The following COL11A2 variants were observed in gnomAD, a reference collection of about 807,000 sequenced individuals.
COL11A2 encodes collagen type XI alpha 2 chain.
Under a neutral mutation model 273.4 loss-of-function variants are expected in COL11A2, and 116 were observed. That is an observed-to-expected ratio of 0.42 (90% confidence interval 0.36 to 0.49). The LOEUF (loss-of-function observed/expected upper bound fraction) is 0.49. Ranked by LOEUF, COL11A2 falls within the 20% of genes least tolerant of loss-of-function variation. COL11A2 has a pLI of 0.00. For missense variants in COL11A2, 1,866 were observed against 2,309.0 expected, an observed-to-expected ratio of 0.81 and a Z score of 3.93; for synonymous variants, 782 against 864.2, an observed-to-expected ratio of 0.90 and a Z score of 1.67.
In COL11A2 at chr6:33,167,984, G is replaced by A. The variant is rs1769433356; in HGVS notation, c.3961-132C>T. On this transcript the variant is annotated intron_variant, in intron 54 of 65. Coordinates refer to ENST00000341947, the MANE Select transcript of COL11A2 (RefSeq NM_080680.3). The surrounding 1 kb of genome is among the most constrained non-coding windows in gnomAD (Gnocchi z 6.1). ...GCATACACAGGGACACGCGCCGAGG[G>A]CCGATTCACAGATGTGCAGAACAGA... 2.7e-5 allele frequency: 25 copies of A among 918,052 alleles called. No individual in the cohort carries two copies. The South Asian group carries it at 3.3e-4, about 12-fold the overall frequency. The allele number at this position is 918,052 out of a possible 1,614,324, so 56.9% of individuals were successfully genotyped here.
At position 33,192,336 on chromosome 6, in the gene COL11A2, CCT is replaced by C; in HGVS notation, c.-98_-97del. ...CAGAAGACAGGGAGCAGACTATGAG[CCT>C]CAGACGCCGGGGTCCCAGGGAGGTC... is the stretch of plus-strand genomic sequence containing the variant. On this transcript the variant is annotated 5_prime_UTR_variant, in exon 1 of 66. Coordinates refer to ENST00000341947, the MANE Select transcript of COL11A2 (RefSeq NM_080680.3). The C allele has an allele frequency of 1.6e-6, 2 of 1,215,060 alleles. No individual in the cohort carries two copies. Among genetic ancestry groups the C allele is most frequent in the Non-Finnish European group, 2.4e-6 (2 of 850,230 alleles). The allele number at this position is 1,215,060 out of a possible 1,614,324, so 75.3% of individuals were successfully genotyped here.
rs1238625222 is a variant in COL11A2, at chr6:33,169,021, G to T, written c.3799-13C>A. 1.9e-6 allele frequency: 3 copies of T among 1,602,708 alleles called. No homozygotes were observed. The African/African-American group carries it at 4.0e-5, about 22-fold the overall frequency. On this transcript the variant is annotated splice_polypyrimidine_tract_variant and intron_variant, in intron 51 of 65. Transcript: ENST00000341947. This position sits in a 1 kb window ranked among gnomAD's most constrained non-coding sequence, Gnocchi z 5.5. ...AACCAACAGGACCCTGATCCAGATG[G>T]AGAATAAGAGTCAGGGTCACAGCTC...
rs1769354460 is a variant in COL11A2, at chr6:33,167,589, G to C, written c.4015-56C>G. On this transcript the variant is annotated intron_variant, in intron 55 of 65. Coordinates refer to ENST00000341947, the MANE Select transcript of COL11A2 (RefSeq NM_080680.3). This position sits in a 1 kb window ranked among gnomAD's most constrained non-coding sequence, Gnocchi z 6.1. The stretch of plus-strand genomic sequence containing the variant: ...TGGCAGAGGAGTGGGGTGTGGGCAG[G>C]GGGCAGAGGGTCCAAGGTGGGAGGC... 1 of 1,591,724 alleles carries C rather than the reference G, an allele frequency of 6.3e-7. No homozygotes were observed. Among genetic ancestry groups the C allele is most frequent in the Non-Finnish European group, 8.6e-7 (1 of 1,163,980 alleles).
chr6:33,176,479 G>A lies in COL11A2; in HGVS notation c.2123C>T (p.Ser708Phe). 1.2e-6 allele frequency: 2 copies of A among 1,612,302 alleles called. No individual in the cohort carries two copies. Among genetic ancestry groups the A allele is most frequent in the Non-Finnish European group, 1.7e-6 (2 of 1,179,582 alleles). ...PPGTKGNQGP[S>F]GPQGPLGYPG... ...GTATCCTAGAGGTCCCTGAGGTCCA[G>A]AGGGACCCTGGAAGATAAAAGAGAG... The change falls in exon 27 of 66, where the codon TCT becomes TTT. Residue 708 changes from serine (S) to phenylalanine (F), a missense_variant. Coordinates refer to ENST00000341947, the MANE Select transcript of COL11A2 (RefSeq NM_080680.3). The surrounding 1 kb of genome is among the most constrained non-coding windows in gnomAD (Gnocchi z 4.9).
chr6:33,165,019 G>T lies in COL11A2; in HGVS notation c.4751-55C>A. ...GCCACCTAGGTCCAGGCTCCAAGAT[G>T]CTCTTTGCCCCCACATTCCCTCTTC... On this transcript the variant is annotated intron_variant, in intron 63 of 65. Transcript: ENST00000341947. This position sits in a 1 kb window ranked among gnomAD's most constrained non-coding sequence, Gnocchi z 7.7. 7.3e-7 allele frequency: 1 copy of T among 1,370,622 alleles called. No homozygotes were observed. Among genetic ancestry groups the T allele is most frequent in the Non-Finnish European group, 1.0e-6 (1 of 983,444 alleles). The allele number at this position is 1,370,622 out of a possible 1,614,324, so 84.9% of individuals were successfully genotyped here.
chr6:33,168,921 T>A, intron 52 of COL11A2, 34 bp downstream of exon 52: 31 of 1,168,372 alleles, frequency 2.7e-5, no homozygotes, highest in Non-Finnish European at 3.5e-5. Flanking sequence ...AGCCCCACCC[T>A]TTTTGCCCCT....
chr6:33,178,617 C>A lies in COL11A2; in HGVS notation c.1719+62G>T. On this transcript the variant is annotated intron_variant, in intron 18 of 65. Coordinates refer to ENST00000341947, the MANE Select transcript of COL11A2 (RefSeq NM_080680.3). This position sits in a 1 kb window ranked among gnomAD's most constrained non-coding sequence, Gnocchi z 4.6. ...CAAGCCTCCAGCCTCCCTTCCCTAC[C>A]TATCCTCACTCCCATAGAAGATCTA... is the stretch of plus-strand genomic sequence containing the variant. 6.2e-7 allele frequency: 1 copy of A among 1,607,778 alleles called. No homozygotes were observed. Among genetic ancestry groups the A allele is most frequent in the Admixed American group, 1.7e-5 (1 of 60,020 alleles).
Position 33,181,464 on chromosome 6 carries a change from T to C in COL11A2, c.1120-294A>G, listed in dbSNP as rs942711030. The stretch of plus-strand genomic sequence containing the variant: ...GGTCCCCAGAAACTTCCAGTGTTTT[T>C]GTTTGTTTGTTTGTTTTTCTTTTTT... On this transcript the variant is annotated intron_variant, in intron 8 of 65. Transcript: ENST00000341947. Among the ~76,000 whole-genome samples the C allele has an allele frequency of 5.9e-5, 9 of 152,168 alleles. No individual in the cohort carries two copies. The East Asian group carries it at 1.7e-3, about 29-fold the overall frequency.
Position 33,177,261 on chromosome 6 carries a change from C to T in COL11A2, c.1972-36G>A, listed in dbSNP as rs1363717365. The T allele has an allele frequency of 6.2e-7, 1 of 1,612,734 alleles. No homozygotes were observed. The highest frequency in any genetic ancestry group is 1.7e-5 in the Admixed American group (1 of 60,022). On this transcript the variant is annotated intron_variant, in intron 23 of 65. Transcript: ENST00000341947. The surrounding 1 kb of genome is among the most constrained non-coding windows in gnomAD (Gnocchi z 5.9). ...GGAAAGAGAAGTCACAGGGGCCTCC[C>T]AGGGTCTCTTCTATCCAGCCTCCCG...
chr6:33,165,958 C>G lies in COL11A2; in HGVS notation c.4455G>C (p.Lys1485Asn). Residue 1485 changes from lysine to asparagine, a missense_variant, in exon 62 of 66, where the codon AAG (lysine) becomes AAC (asparagine). Coordinates refer to ENST00000341947, the MANE Select transcript of COL11A2 (RefSeq NM_080680.3). The surrounding 1 kb of genome is among the most constrained non-coding windows in gnomAD (Gnocchi z 7.7). The stretch of plus-strand genomic sequence containing the variant: ...GGTGTCCTGGAGGGCCCTGCACACC[C>G]TTCTCTCCCTTGGGTCCGCCTGGGC... ...ATGPGGPKGE[K>N]GVQGPPGHPG... is the part of the protein sequence containing the mutation. The G allele has an allele frequency of 6.2e-7, 1 of 1,614,070 alleles. No homozygotes were observed. The highest frequency in any genetic ancestry group is 8.5e-7 in the Non-Finnish European group (1 of 1,180,010).
In COL11A2 at chr6:33,167,399, G is replaced by A. The variant is rs1402886491; in HGVS notation, c.4122+27C>T. 3 of 1,357,988 alleles carry A rather than the reference G, an allele frequency of 2.2e-6. No homozygotes were observed. Among genetic ancestry groups the A allele is most frequent in the Admixed American group, 3.4e-5 (2 of 59,206 alleles). 84.1% of individuals were successfully genotyped at this position (1,357,988 alleles called of 1,614,324 possible). On this transcript the variant is annotated intron_variant, in intron 56 of 65. Coordinates refer to ENST00000341947, the MANE Select transcript of COL11A2 (RefSeq NM_080680.3). The surrounding 1 kb of genome is among the most constrained non-coding windows in gnomAD (Gnocchi z 6.1). ...CCCATGGCCCCTCACTCCCACCCCA[G>A]CCCAGCCCTTCCCTGCAGTGACTCA... is the stretch of plus-strand genomic sequence containing the variant.
Position 33,171,816 on chromosome 6 carries a change from G to A in COL11A2, c.3047C>T (p.Ser1016Phe). 6.2e-7 allele frequency: 1 copy of A among 1,612,854 alleles called. No individual in the cohort carries two copies. The highest frequency in any genetic ancestry group is 1.1e-5 in the South Asian group (1 of 91,060). The change falls in exon 42 of 66, where the codon TCC becomes TTC. Residue 1016 changes from serine (S) to phenylalanine (F), a missense_variant. Transcript: ENST00000341947. ...GPSGPPGPAG[S>F]PGERGAAGSG... Reference sequence around the variant, plus strand: ...TCCTGCTGCACCTCGTTCCCCAGGGGAGCCCTGAGAAAGCAGATGGTCAGA... The same window carrying A: ...TCCTGCTGCACCTCGTTCCCCAGGGAAGCCCTGAGAAAGCAGATGGTCAGA...
Position 33,192,187 on chromosome 6 carries a change from C to A in COL11A2, c.54G>T (p.Leu18=). ...HRLLLLLPLV[L]GLSAAPGWAG... is the part of the protein sequence containing the mutation. ...CCCAGCCTGGGGCCGCGCTCAGCCCCAGCACCAGAGGTAGGAGGAGGAGGA... is the reference window on the plus strand; with the variant it reads ...CCCAGCCTGGGGCCGCGCTCAGCCCAAGCACCAGAGGTAGGAGGAGGAGGA... The change falls in exon 1 of 66, where the codon CTG becomes CTT. Residue 18 remains leucine, a synonymous_variant. Transcript: ENST00000341947. 6.4e-7 allele frequency: 1 copy of A among 1,566,188 alleles called. No individual in the cohort carries two copies. Among genetic ancestry groups the A allele is most frequent in the Non-Finnish European group, 8.7e-7 (1 of 1,155,342 alleles).
chr6:33,165,963 C>T lies in COL11A2; in HGVS notation c.4450G>A (p.Glu1484Lys). 6.2e-7 allele frequency: 1 copy of T among 1,614,098 alleles called. No individual in the cohort carries two copies. The highest frequency in any genetic ancestry group is 8.5e-7 in the Non-Finnish European group (1 of 1,180,008). ...GATGPGGPKG[E>K]KGVQGPPGHP... ...CCTGGAGGGCCCTGCACACCCTTCT[C>T]TCCCTTGGGTCCGCCTGGGCCCTGA... The change falls in exon 62 of 66, where the codon GAG (glutamate) becomes AAG (lysine). Residue 1484 changes from glutamate to lysine, a missense_variant. By Grantham distance (56) the Glu-to-Lys change is moderately conservative (BLOSUM62 1). Coordinates refer to ENST00000341947, the MANE Select transcript of COL11A2 (RefSeq NM_080680.3). The surrounding 1 kb of genome is among the most constrained non-coding windows in gnomAD (Gnocchi z 7.7).
In COL11A2 at chr6:33,174,188, C is replaced by T. The variant is rs750515531; in HGVS notation, c.2461G>A (p.Ala821Thr). The change falls in exon 32 of 66, where the codon GCC becomes ACC. Residue 821 changes from alanine to threonine, a missense_variant. Coordinates refer to ENST00000341947, the MANE Select transcript of COL11A2 (RefSeq NM_080680.3). ...GSLGFPGFPG[A>T]SGEKGARGLS... ...ACCCGGGCTCCCTTCTCTCCACTGG[C>T]ACCAGGAAAGCCAGGAAATCCTAGG... The T allele has an allele frequency of 6.3e-7, 1 of 1,581,420 alleles. No individual in the cohort carries two copies. Among genetic ancestry groups the T allele is most frequent in the Non-Finnish European group, 8.6e-7 (1 of 1,163,252 alleles).
Position 33,164,921 on chromosome 6 carries a change from G to T in COL11A2, c.4794C>A (p.Ala1598=). 6.3e-7 allele frequency: 1 copy of T among 1,581,468 alleles called. No individual in the cohort carries two copies. The highest frequency in any genetic ancestry group is 1.8e-5 in the Admixed American group (1 of 55,686). The change falls in exon 64 of 66, where the codon GCC becomes GCA. Residue 1598 remains alanine, a synonymous_variant. Transcript: ENST00000341947. This position sits in a 1 kb window ranked among gnomAD's most constrained non-coding sequence, Gnocchi z 4.7. ...CTGTGAAGTTGCAGAAAACTCGGAA[G>T]GCATCCCGAGCACAGCCCTGGTTGG... ...VDPNQGCARD[A]FRVFCNFTAG...
chr6:33,185,105 G>T, intron 6 of COL11A2, 51 bp from the exon 7 acceptor site: 1 of 1,411,968 alleles, frequency 7.1e-7, no homozygotes, highest in Non-Finnish European at 9.8e-7. Flanking sequence ...GAAGGAAGGA[G>T]AAAGGTTAGC....
At chr6:33,174,325 C>T (rs1262015577) in intron 31 of COL11A2, 107 bp from the exon 32 acceptor site, 8 of 1,472,372 alleles carry the variant, frequency 5.4e-6, no homozygotes, top group South Asian at 1.2e-5. Context: ...CAGGGAGACC[C>T]GAGCTCTGCC....
chr6:33,179,458 C>G lies in COL11A2; in HGVS notation c.1476G>C (p.Met492Ile). 3 of 1,568,492 alleles carry G rather than the reference C, an allele frequency of 1.9e-6. No homozygotes were observed. In the South Asian group the frequency reaches 3.5e-5, roughly 18 times the overall value. Residue 492 changes from methionine to isoleucine, a missense_variant, in exon 14 of 66, where the codon ATG (methionine) becomes ATC (isoleucine). Physicochemically the swap from Met to Ile is conservative, Grantham distance 10. Coordinates refer to ENST00000341947, the MANE Select transcript of COL11A2 (RefSeq NM_080680.3). The surrounding 1 kb of genome is among the most constrained non-coding windows in gnomAD (Gnocchi z 6.4). ...RLALRGPPGPMGYTGRPGPLG... is the reference protein window; with the variant it reads ...RLALRGPPGPIGYTGRPGPLG... The stretch of plus-strand genomic sequence containing the variant: ...AGGGTCCAGGGCGCCCTGTGTATCC[C>G]ATGGGGCCAGGGGGTCCACGGAGCG...
Sources: allele counts gnomAD v4.1 joint callset (sites outside exome capture counted in the v4.1 genomes callset), GRCh38; gene constraint gnomAD v4.1.1; non-coding constraint Gnocchi (gnomAD v3.1); transcripts MANE v1.5; gene names NCBI Gene and HGNC (gene_info 2026-07-23, HGNC 2026-07-21).